RBMS3: variants seen among roughly 807,000 people sequenced by gnomAD.
RBMS3 encodes the protein RNA-binding motif, single-stranded-interacting protein 3.
RBMS3 carries 27 observed loss-of-function variants against 66.8 expected under a neutral mutation model. The observed-to-expected ratio is 0.40, with a 90% CI of 0.30 to 0.56. The LOEUF is 0.56. Among genes scored for constraint, RBMS3 ranks in the 20% least tolerant of loss-of-function variants. The pLI is 0.40. For synonymous variants in RBMS3, 188 were observed against 183.0 expected, an observed-to-expected ratio of 1.03 and a Z score of -0.22; for missense variants, 513 against 549.5, an observed-to-expected ratio of 0.93 and a Z score of 0.66.
chr3:29,833,210 C>G (rs913072597), intron 6 of RBMS3, among the ~76,000 whole-genome samples: 1 of 152,144 alleles, frequency 6.6e-6, no homozygotes, highest in Admixed American at 6.6e-5. Flanking sequence ...AAGGAGATAA[C>G]TGCTTCTTCA....
At chr3:29,624,968 G>T (rs1238077038) in intron 4 of RBMS3, among the ~76,000 whole-genome samples, 1 of 152,076 alleles carries the variant, frequency 6.6e-6, no homozygotes, top group Non-Finnish European at 1.5e-5. Flanking sequence ...AGACCCAGTG[G>T]GAGGTGATTG....
At chr3:29,561,968 A>T (rs1344147317) in intron 3 of RBMS3, among the ~76,000 whole-genome samples, 1 of 151,886 alleles carries the variant, frequency 6.6e-6, no homozygotes, top group Non-Finnish European at 1.5e-5. Flanking sequence ...TAGATGCTGG[A>T]TATAAGACCT....
chr3:29,436,622 T>C (rs2041414261), intron 2 of RBMS3, among the ~76,000 whole-genome samples: 1 of 152,244 alleles, frequency 6.6e-6, no homozygotes, highest in Non-Finnish European at 1.5e-5. Context: ...GACTTTATGA[T>C]AGAAGGTTCA....
At chr3:29,896,940 T>C (rs908754808) in intron 8 of RBMS3, among the ~76,000 whole-genome samples, 2 of 151,806 alleles carry the variant, frequency 1.3e-5, no homozygotes, top group South Asian at 2.1e-4. Flanking sequence ...CATGGACCTA[T>C]GCCTAACACA....
chr3:29,917,948 T>C (rs2060680698), intron 10 of RBMS3, among the ~76,000 whole-genome samples: 1 of 152,098 alleles, frequency 6.6e-6, no homozygotes, highest in African/African-American at 2.4e-5. Flanking sequence ...TCACTCTGCA[T>C]TTTCATGAGG....
At chr3:29,533,455 CT>C (rs1228865156) in intron 3 of RBMS3, among the ~76,000 whole-genome samples, 1 of 152,140 alleles carries the variant, frequency 6.6e-6, no homozygotes. Flanking sequence ...GCACTCCAGC[CT>C]GGGTGACACA....
chr3:29,580,747 T>A (rs1056611387), intron 3 of RBMS3, among the ~76,000 whole-genome samples: 1 of 151,628 alleles, frequency 6.6e-6, no homozygotes, highest in Non-Finnish European at 1.5e-5. Context: ...ATGTCACTAA[T>A]AATAGGCAAA....
At chr3:29,994,135 G>A (rs912093842) in intron 14 of RBMS3, among the ~76,000 whole-genome samples, 1 of 152,196 alleles carries the variant, frequency 6.6e-6, no homozygotes, top group Non-Finnish European at 1.5e-5. Context: ...AGGGGTCAGG[G>A]AGTTCCCTTT....
intron 3 of RBMS3, among the ~76,000 whole-genome samples, chr3:29,564,011 A>C (rs1373896350): frequency 6.6e-6 from 1 of 151,864 alleles, no homozygotes. Context: ...TGTCAAAAAA[A>C]AAAAAAGAAA....
At chr3:29,586,523 T>C (rs929486916) in intron 3 of RBMS3, among the ~76,000 whole-genome samples, 11 of 152,160 alleles carry the variant, frequency 7.2e-5, no homozygotes, top group African/African-American at 2.7e-4. Flanking sequence ...TTTAAGATGC[T>C]ATCATTGAGA....
At chr3:29,825,477 G>T (rs1004283103) in intron 6 of RBMS3, among the ~76,000 whole-genome samples, 1 of 152,124 alleles carries the variant, frequency 6.6e-6, no homozygotes. Context: ...AGAGGTAATT[G>T]AATTATGGGG....
At chr3:29,668,284 G>A (rs1201053359) in intron 4 of RBMS3, among the ~76,000 whole-genome samples, 1 of 152,190 alleles carries the variant, frequency 6.6e-6, no homozygotes, top group East Asian at 1.9e-4. Flanking sequence ...TGAGGAGCTT[G>A]TCTTAGCAGA....
At chr3:29,363,098 G>A (rs529102761) in intron 1 of RBMS3, among the ~76,000 whole-genome samples, 43 of 152,048 alleles carry the variant, frequency 2.8e-4, no homozygotes, top group Non-Finnish European at 5.1e-4. Context: ...TTAGTTTTGT[G>A]CTCACCTCAA....
intron 3 of RBMS3, among the ~76,000 whole-genome samples, chr3:29,576,800 A>G (rs967452704): frequency 1.2e-4 from 19 of 152,112 alleles, no homozygotes; most frequent in Admixed American, 1.3e-4. Context: ...GCCACTGCCC[A>G]TGTTCCCTTA....
chr3:29,698,480 C>T (rs2052380439), intron 4 of RBMS3: 2 of 985,198 alleles, frequency 2.0e-6, no homozygotes, highest in African/African-American at 1.7e-5. Context: ...CTTGACTTCT[C>T]AGCACTCTTT....
chr3:29,869,146 A>G (rs2059430013), intron 7 of RBMS3, among the ~76,000 whole-genome samples, 182 bp downstream of exon 7: 1 of 152,140 alleles, frequency 6.6e-6, no homozygotes, highest in Non-Finnish European at 1.5e-5. Flanking sequence ...GGAGTAGAGG[A>G]TTTCAAATTT....
chr3:29,584,685 C>T (rs1282961339), intron 3 of RBMS3, among the ~76,000 whole-genome samples: 5 of 152,054 alleles, frequency 3.3e-5, no homozygotes, highest in African/African-American at 9.7e-5. Flanking sequence ...AGTGGTAATC[C>T]TTGTCTATGT....
At chr3:29,292,528 T>A (rs184085600) in intron 1 of RBMS3, among the ~76,000 whole-genome samples, 1 of 151,900 alleles carries the variant, frequency 6.6e-6, no homozygotes, top group East Asian at 1.9e-4. Flanking sequence ...CTCTTTTTTA[T>A]GTCATTCTTG....
intron 3 of RBMS3, among the ~76,000 whole-genome samples, chr3:29,585,933 C>T (rs941133177): frequency 4.6e-5 from 7 of 151,914 alleles, no homozygotes; most frequent in African/African-American, 7.2e-5. Flanking sequence ...AGACGAGATT[C>T]GAGGGGAAAA....
Sources: allele counts gnomAD v4.1 joint callset (sites outside exome capture counted in the v4.1 genomes callset), GRCh38; gene constraint gnomAD v4.1.1; transcripts MANE v1.5; gene names NCBI Gene and HGNC (gene_info 2026-07-23, HGNC 2026-07-21).